The following LMBR1 variants were observed in gnomAD, a reference collection of about 807,000 sequenced individuals.
LMBR1 encodes the protein limb development membrane protein 1.
Under a neutral mutation model 73.9 loss-of-function variants are expected in LMBR1, and 52 were observed. The ratio of observed to expected loss-of-function variants is 0.70; its 90% CI spans 0.56 to 0.89. The LOEUF is 0.89. Among genes scored for constraint, LMBR1 ranks in the 40% least tolerant of loss-of-function variants. LMBR1 has a pLI of 0.00. For missense variants in LMBR1, 539 were observed against 579.8 expected (o/e 0.93, Z 0.72); for synonymous variants, 215 against 209.4 (o/e 1.03, Z -0.23).
intron 15 of LMBR1, among the ~76,000 whole-genome samples, chr7:156,689,658 G>T (rs1352738191): frequency 6.6e-6 from 1 of 152,072 alleles, no homozygotes; most frequent in South Asian, 2.1e-4. Flanking sequence ...TTTTTTTAAG[G>T]TAGATAATTA....
intron 5 of LMBR1, among the ~76,000 whole-genome samples, chr7:156,776,547 T>TA (rs752705976): frequency 1.3e-5 from 2 of 152,164 alleles, no homozygotes; most frequent in Non-Finnish European, 2.9e-5. Context: ...ACTGCCCTCT[T>TA]AGTCCACAAT....
intron 12 of LMBR1, among the ~76,000 whole-genome samples, chr7:156,726,878 GA>G (rs1563221415): frequency 6.6e-6 from 1 of 151,922 alleles, no homozygotes; most frequent in Non-Finnish European, 1.5e-5. Flanking sequence ...CGAGGACACC[GA>G]GAAGAATATG....
intron 4 of LMBR1, among the ~76,000 whole-genome samples, chr7:156,803,891 G>A (rs1325705938): frequency 3.3e-5 from 5 of 150,038 alleles, no homozygotes; most frequent in Admixed American, 1.3e-4. Context: ...ACTATCGCAA[G>A]GACAAAAAAC....
In LMBR1 at chr7:156,672,666, G is replaced by A. The variant is rs80055376; in HGVS notation, n.867-3379C>T. On this transcript the variant is annotated intron_variant and non_coding_transcript_variant, in intron 4 of 4. Transcript: ENST00000430825. Reference sequence around the variant, plus strand: ...CCTGTAGAGAGAGCGATACACTCACGTATGATAGAATATATGCACACACAG... The same window carrying A: ...CCTGTAGAGAGAGCGATACACTCACATATGATAGAATATATGCACACACAG... 6.7e-3 allele frequency among the ~76,000 whole-genome samples: 1,025 copies of A among 152,334 alleles called. 11 individuals are homozygous for A. The highest frequency in any genetic ancestry group is 0.023 in the African/African-American group (947 of 41,570).
intron 15 of LMBR1, among the ~76,000 whole-genome samples, chr7:156,712,490 GATCCA>G (rs2132207189): frequency 6.6e-6 from 1 of 152,328 alleles, no homozygotes; most frequent in East Asian, 1.9e-4. Flanking sequence ...ACTACCATCT[GATCCA>G]GCAATCCCAG....
intron 1 of LMBR1, among the ~76,000 whole-genome samples, chr7:156,869,743 C>T (rs1357948656): frequency 1.3e-5 from 2 of 152,074 alleles, no homozygotes; most frequent in South Asian, 2.1e-4. Context: ...CAACTATATG[C>T]TATTACAAGA....
At chr7:156,867,721 G>A (rs1413678169) in intron 1 of LMBR1, among the ~76,000 whole-genome samples, 1 of 152,130 alleles carries the variant, frequency 6.6e-6, no homozygotes, top group Non-Finnish European at 1.5e-5. Context: ...AATCTATATA[G>A]GCAAATCTAG....
chr7:156,871,790 C>G (rs898680191), intron 1 of LMBR1, among the ~76,000 whole-genome samples: 1 of 152,084 alleles, frequency 6.6e-6, no homozygotes, highest in Non-Finnish European at 1.5e-5. Context: ...TGGAAATTAT[C>G]TCAATGTAAT....
chr7:156,809,688 CTG>C (rs1402851390), intron 4 of LMBR1, among the ~76,000 whole-genome samples: 2 of 152,356 alleles, frequency 1.3e-5, no homozygotes, highest in East Asian at 3.9e-4. Context: ...GCTGACTACA[CTG>C]TTGCTACACT....
chr7:156,673,754 C>A (rs765235151), downstream of LMBR1, among the ~76,000 whole-genome samples: 1 of 152,172 alleles, frequency 6.6e-6, no homozygotes, highest in Non-Finnish European at 1.5e-5. Flanking sequence ...AGAAAGGCAG[C>A]TCATAGTCTC....
chr7:156,808,391 T>G (rs1009781474), intron 4 of LMBR1, among the ~76,000 whole-genome samples: 1 of 152,172 alleles, frequency 6.6e-6, no homozygotes, highest in Non-Finnish European at 1.5e-5. Flanking sequence ...CTGATAATCA[T>G]ATAGCCACTC....
rs115614481 is a variant in LMBR1 at position 156,671,756 on chromosome 7, C to T, written n.867-2469G>A. On this transcript the variant is annotated intron_variant and non_coding_transcript_variant, in intron 4 of 4. Coordinates refer to the LMBR1 transcript ENST00000430825. ...CCAGTCGTCCTAGTATCTCATGTCA[C>T]CATCTTTATGTCCACGTACTTGAAG... Among the ~76,000 whole-genome samples the T allele has an allele frequency of 2.0e-3, 297 of 151,046 alleles. 1 individual carries two copies. The highest frequency in any genetic ancestry group is 6.9e-3 in the African/African-American group (284 of 41,434).
intron 4 of LMBR1, 133 bp downstream of exon 4, chr7:156,826,469 CATT>C: frequency 1.9e-6 from 1 of 514,708 alleles, no homozygotes; most frequent in East Asian, 3.1e-5. Context: ...GGTTTTCTGA[CATT>C]ATTAAAGACC....
intron 9 of LMBR1, among the ~76,000 whole-genome samples, chr7:156,743,246 T>C (rs11972937): frequency 0.012 from 1,858 of 152,246 alleles, 40 homozygotes; most frequent in African/African-American, 0.042. Context: ...TGACTTACGA[T>C]TTAGCTTCCT....
At chr7:156,710,482 A>G (rs1453796874) in intron 15 of LMBR1, among the ~76,000 whole-genome samples, 2 of 152,228 alleles carry the variant, frequency 1.3e-5, no homozygotes, top group Non-Finnish European at 2.9e-5. Context: ...GACAAAGAAA[A>G]AAGAATTTAA....
intron 1 of LMBR1, among the ~76,000 whole-genome samples, chr7:156,853,069 G>C (rs1336980031): frequency 6.6e-6 from 1 of 151,592 alleles, no homozygotes; most frequent in Non-Finnish European, 1.5e-5. Context: ...CTCCCAAGTA[G>C]CTGGGACTAC....
In LMBR1 at chr7:156,740,210, AG is replaced by A. The variant is rs1192184129; in HGVS notation, c.758-5954del. Among the ~76,000 whole-genome samples the A allele has an allele frequency of 9.9e-5, 15 of 152,224 alleles. 1 individual carries two copies. The highest frequency in any genetic ancestry group is 9.2e-4 in the Admixed American group (14 of 15,280). On this transcript the variant is annotated intron_variant, in intron 9 of 16. Transcript: ENST00000353442. ...TTTGAAAATACATAGTGGAGACAAA[AG>A]AAAAAAGAATCAAAAAGAATGAAGC...
intron 5 of LMBR1, among the ~76,000 whole-genome samples, chr7:156,777,358 T>C (rs1477190115): frequency 6.6e-6 from 1 of 152,206 alleles, no homozygotes; most frequent in Non-Finnish European, 1.5e-5. Context: ...GGTCTGTGAG[T>C]CCCTCACCTT....
rs535159977 is a variant in LMBR1 at position 156,681,148 on chromosome 7, A to G, written c.*2930T>C. The G allele has an allele frequency of 1.5e-4, 69 of 449,424 alleles. 1 individual carries two copies. The highest frequency in any genetic ancestry group is 1.1e-3 in the South Asian group (69 of 62,990). The allele number at this position is 449,424 out of a possible 1,614,324, so 27.8% of individuals were successfully genotyped here. A position where few individuals can be genotyped will look rare whatever the true frequency, so the allele number is the denominator to read the frequency against. On this transcript the variant is annotated 3_prime_UTR_variant, in exon 17 of 17. Coordinates refer to ENST00000353442, the MANE Select transcript of LMBR1 (RefSeq NM_022458.4). ...TAAATAACGTGCTACCAACAAAACT[A>G]GCACATAAGAGCCTGTAAATGATGA...
Sources: gnomAD v4.1 joint callset for allele counts (sites outside exome capture counted in the v4.1 genomes callset) on GRCh38, gnomAD v4.1.1 for gene constraint, MANE v1.5 for transcripts, NCBI Gene and HGNC (gene_info 2026-07-23, HGNC 2026-07-21) for gene names.